The following DAPK1 variants were observed in gnomAD, a reference collection of about 807,000 sequenced individuals.
The protein encoded by DAPK1 is death-associated protein kinase 1.
Under a neutral mutation model 144.9 loss-of-function variants are expected in DAPK1, and 56 were observed. The observed-to-expected ratio is 0.39, with a 90% CI of 0.31 to 0.48. The LOEUF (loss-of-function observed/expected upper bound fraction) is 0.48, where lower values mean the gene tolerates loss of function less well. Ranked by LOEUF, DAPK1 falls within the 20% of genes least tolerant of loss-of-function variation. The pLI is 0.95. For missense variants in DAPK1, 1,454 were observed against 1,875.4 expected (o/e 0.78, Z 4.15); for synonymous variants, 690 against 749.0 (o/e 0.92, Z 1.29).
chr9:87,689,532 T>C (rs1297289238), intron 21 of DAPK1, among the ~76,000 whole-genome samples: 4 of 152,214 alleles, frequency 2.6e-5, no homozygotes, highest in African/African-American at 9.6e-5. Flanking sequence ...CACTCTAAGT[T>C]GTCTATTTTT....
intron 1 of DAPK1, chr9:87,498,753 G>A (rs942639098): frequency 7.0e-6 from 3 of 430,996 alleles, no homozygotes; most frequent in African/African-American, 2.0e-5. Context: ...CGACCTCGGG[G>A]TGCCGTGGTG....
chr9:87,518,007 G>C (rs35969915), intron 2 of DAPK1, among the ~76,000 whole-genome samples: 92,638 of 151,518 alleles, frequency 0.61, 28,629 homozygotes, highest in South Asian at 0.83. Flanking sequence ...CATAGCACGG[G>C]TAGTGGGTTT....
chr9:87,583,967 A>T (rs145899237), intron 2 of DAPK1, among the ~76,000 whole-genome samples: 4 of 152,318 alleles, frequency 2.6e-5, no homozygotes, highest in African/African-American at 9.6e-5. Flanking sequence ...GCTGAATCAT[A>T]ATCTCTATTT....
chr9:87,572,529 G>T (rs1385335883), intron 2 of DAPK1, among the ~76,000 whole-genome samples: 1 of 152,158 alleles, frequency 6.6e-6, no homozygotes, highest in African/African-American at 2.4e-5. Flanking sequence ...TTTGGGTCAT[G>T]AGGGTAGGTT....
intron 24 of DAPK1, among the ~76,000 whole-genome samples, chr9:87,702,665 C>T (rs1825495113): frequency 6.6e-6 from 1 of 152,074 alleles, no homozygotes; most frequent in Admixed American, 6.5e-5. Context: ...AACTAAAGAG[C>T]CTTTATAAAA....
chr9:87,582,046 A>G (rs111746244), intron 2 of DAPK1, among the ~76,000 whole-genome samples: 3 of 152,314 alleles, frequency 2.0e-5, no homozygotes, highest in Non-Finnish European at 4.4e-5. Context: ...TACCACTTAA[A>G]ATGATCAACT....
chr9:87,520,647 G>C lies in DAPK1; in HGVS notation c.62+21508G>C, dbSNP rs1385724752. On this transcript the variant is annotated intron_variant, in intron 2 of 25. Coordinates refer to ENST00000408954, the MANE Select transcript of DAPK1 (RefSeq NM_004938.4). ...GGTTTCTTTTTGACCCTCGAAGATA[G>C]GTGGGAAGTGGTTTTCTATACTTCT... 2.6e-5 allele frequency among the ~76,000 whole-genome samples: 4 copies of C among 152,168 alleles called. No individual in the cohort carries two copies. In the East Asian group the frequency reaches 7.7e-4, roughly 29 times the overall value.
chr9:87,573,423 C>T (rs1827435548), intron 2 of DAPK1, among the ~76,000 whole-genome samples: 1 of 152,196 alleles, frequency 6.6e-6, no homozygotes, highest in South Asian at 2.1e-4. Flanking sequence ...CTGTTCATTG[C>T]ACACAGTGAT....
At chr9:87,655,143 G>A (rs1830587721) in intron 17 of DAPK1, among the ~76,000 whole-genome samples, 1 of 152,206 alleles carries the variant, frequency 6.6e-6, no homozygotes, top group Admixed American at 6.5e-5. Context: ...AAAATCATCA[G>A]TTCCAGTTTC....
At chr9:87,642,704 G>A (rs911990836) in intron 10 of DAPK1, among the ~76,000 whole-genome samples, 4 of 152,120 alleles carry the variant, frequency 2.6e-5, no homozygotes, top group African/African-American at 9.7e-5. Context: ...GGCCAGAAAT[G>A]TACCTCGTTT....
At chr9:87,699,211 CAA>C (rs1587854037) in intron 23 of DAPK1, among the ~76,000 whole-genome samples, 1 of 152,188 alleles carries the variant, frequency 6.6e-6, no homozygotes, top group East Asian at 1.9e-4. Context: ...CATAGTAAAT[CAA>C]ATACAAATGA....
chr9:87,518,936 T>A (rs1587680859), intron 2 of DAPK1, among the ~76,000 whole-genome samples: 2 of 151,808 alleles, frequency 1.3e-5, no homozygotes, highest in East Asian at 3.9e-4. Context: ...AAAAAAAGAT[T>A]TACGTGTAGT....
intron 3 of DAPK1, among the ~76,000 whole-genome samples, chr9:87,625,300 G>A (rs1161567482): frequency 6.6e-6 from 1 of 152,236 alleles, no homozygotes; most frequent in African/African-American, 2.4e-5. Context: ...ACAGGCAGAT[G>A]CTGTGCCTTG....
intron 25 of DAPK1, among the ~76,000 whole-genome samples, chr9:87,703,448 A>G (rs1274360852): frequency 6.7e-6 from 1 of 148,472 alleles, no homozygotes; most frequent in African/African-American, 2.6e-5. Context: ...TTTTGCTTTT[A>G]TTTCCAGAGT....
intron 19 of DAPK1, among the ~76,000 whole-genome samples, chr9:87,676,558 C>T (rs908590721): frequency 5.9e-5 from 9 of 152,216 alleles, no homozygotes; most frequent in African/African-American, 9.6e-5. Context: ...GGGAAATACC[C>T]GAGGATATTT....
chr9:87,540,183 C>CTTTTTTTTTT (rs33925780), intron 2 of DAPK1, among the ~76,000 whole-genome samples: 2 of 66,130 alleles, frequency 3.0e-5, no homozygotes, highest in African/African-American at 1.2e-4. Flanking sequence ...TTGTTAATCT[C>CTTTTTTTTTT]TTTTTTTTTT....
intron 3 of DAPK1, among the ~76,000 whole-genome samples, chr9:87,626,749 A>G (rs558836767): frequency 6.6e-6 from 1 of 152,374 alleles, no homozygotes; most frequent in African/African-American, 2.4e-5. Context: ...TTAAGCTACA[A>G]TGATGAGGAT....
intron 18 of DAPK1, among the ~76,000 whole-genome samples, chr9:87,660,154 C>A (rs991921253): frequency 6.6e-6 from 1 of 152,136 alleles, no homozygotes; most frequent in Non-Finnish European, 1.5e-5. Flanking sequence ...TGCCCTCCTG[C>A]GGTGGGAGCA....
chr9:87,593,942 G>C (rs2118899244), intron 2 of DAPK1, among the ~76,000 whole-genome samples: 1 of 152,282 alleles, frequency 6.6e-6, no homozygotes, highest in African/African-American at 2.4e-5. Context: ...AACCACTCGA[G>C]AGCCAGGGGG....
Sources: gnomAD v4.1 joint callset for allele counts (sites outside exome capture counted in the v4.1 genomes callset) on GRCh38, gnomAD v4.1.1 for gene constraint, MANE v1.5 for transcripts, NCBI Gene and HGNC (gene_info 2026-07-23, HGNC 2026-07-21) for gene names.